Variants in MTMR7 observed in about 807,000 individuals in gnomAD.
The protein encoded by MTMR7 is myotubularin related protein 7.
Under a neutral mutation model 81.2 loss-of-function variants are expected in MTMR7, and 76 were observed. The ratio of observed to expected loss-of-function variants is 0.94; its 90% CI spans 0.78 to 1.13. The LOEUF (loss-of-function observed/expected upper bound fraction) is 1.13. MTMR7 is among the 50% of genes most tolerant of loss of function. The pLI, the probability that MTMR7 is intolerant of heterozygous loss-of-function variation, is 0.00. For synonymous variants in MTMR7, 372 were observed against 289.8 expected (o/e 1.28, Z -2.88); for missense variants, 1,044 against 820.0 (o/e 1.27, Z -3.34).
intron 7 of MTMR7, among the ~76,000 whole-genome samples, chr8:17,322,778 T>C (rs377223623): frequency 6.6e-6 from 1 of 152,162 alleles, no homozygotes; most frequent in Non-Finnish European, 1.5e-5. Context: ...TGAGCTACAG[T>C]TGCATCACTG....
intron 4 of MTMR7, among the ~76,000 whole-genome samples, chr8:17,357,493 T>A (rs1407165739): frequency 6.6e-6 from 1 of 152,182 alleles, no homozygotes; most frequent in Non-Finnish European, 1.5e-5. Flanking sequence ...AAGTCCTTGC[T>A]CAACAATGCC....
intron 10 of MTMR7, among the ~76,000 whole-genome samples, chr8:17,307,222 A>G (rs1308810689): frequency 6.6e-6 from 1 of 152,202 alleles, no homozygotes; most frequent in African/African-American, 2.4e-5. Flanking sequence ...AAAAGTGGGC[A>G]AAGGATATGA....
In MTMR7 at chr8:17,349,218, A is replaced by C. The variant is rs1586230686; in HGVS notation, c.469-137T>G. 7.5e-6 allele frequency: 8 copies of C among 1,063,296 alleles called. No individual in the cohort carries two copies. In the East Asian group the frequency reaches 2.0e-4, roughly 26 times the overall value. 65.9% of individuals were successfully genotyped at this position (1,063,296 alleles called of 1,614,324 possible). On this transcript the variant is annotated intron_variant, in intron 4 of 13. Coordinates refer to ENST00000180173, the MANE Select transcript of MTMR7 (RefSeq NM_004686.5). ...CCATGTTACAGAGGAGGCTATTTCG[A>C]GGAAACTCAAAGCCACTTCAGAGGA...
At chr8:17,372,569 C>G (rs1438219764) in intron 2 of MTMR7, among the ~76,000 whole-genome samples, 2 of 151,960 alleles carry the variant, frequency 1.3e-5, no homozygotes, top group Admixed American at 1.3e-4. Flanking sequence ...GCCTGGGCAA[C>G]AGAGTAAGAC....
intron 1 of MTMR7, 79 bp downstream of exon 1, chr8:17,413,190 C>T: frequency 1.3e-6 from 2 of 1,486,680 alleles, no homozygotes; most frequent in Non-Finnish European, 1.8e-6. Flanking sequence ...AAGCAGTCGG[C>T]CTCCCGCGCG....
chr8:17,347,084 C>T (rs1237557525), intron 5 of MTMR7, among the ~76,000 whole-genome samples: 1 of 151,204 alleles, frequency 6.6e-6, no homozygotes, highest in Non-Finnish European at 1.5e-5. Flanking sequence ...GTCCCAGTGA[C>T]TCGGGAGGCT....
chr8:17,388,005 C>G (rs373898497), intron 1 of MTMR7, among the ~76,000 whole-genome samples: 7 of 152,164 alleles, frequency 4.6e-5, no homozygotes, highest in African/African-American at 1.7e-4. Context: ...AATAGTGACA[C>G]AGCCAAGCTA....
intron 1 of MTMR7, among the ~76,000 whole-genome samples, chr8:17,389,499 T>C (rs1285675237): frequency 6.6e-6 from 1 of 152,238 alleles, no homozygotes; most frequent in Non-Finnish European, 1.5e-5. Flanking sequence ...CAACCCTCGG[T>C]GGCAGGATCC....
At chr8:17,409,886 C>G (rs1207765750) in intron 1 of MTMR7, among the ~76,000 whole-genome samples, 2 of 152,122 alleles carry the variant, frequency 1.3e-5, no homozygotes, top group East Asian at 3.9e-4. Context: ...AAGAACTGGT[C>G]CCACTGGAGA....
intron 1 of MTMR7, among the ~76,000 whole-genome samples, chr8:17,397,288 G>A (rs1821290236): frequency 6.6e-6 from 1 of 152,122 alleles, no homozygotes; most frequent in Non-Finnish European, 1.5e-5. Flanking sequence ...CTGATTCCAG[G>A]CCAAGGCTCT....
At chr8:17,324,665 T>A (rs913644797) in intron 7 of MTMR7, among the ~76,000 whole-genome samples, 5 of 152,258 alleles carry the variant, frequency 3.3e-5, no homozygotes, top group Admixed American at 2.6e-4. Context: ...CCTAACAGGC[T>A]GCTGGTCTAG....
chr8:17,367,121 A>C (rs1007264820), intron 3 of MTMR7, among the ~76,000 whole-genome samples: 7 of 152,190 alleles, frequency 4.6e-5, no homozygotes, highest in African/African-American at 4.8e-5. Context: ...CTTAAACATC[A>C]ATGACTTATA....
chr8:17,314,593 A>G (rs17124380), intron 7 of MTMR7, among the ~76,000 whole-genome samples: 5,221 of 152,272 alleles, frequency 0.034, 321 homozygotes, highest in African/African-American at 0.12. Context: ...ATTCACTGTG[A>G]TTTCCTGCAG....
chr8:17,328,699 C>A (rs888577814), intron 7 of MTMR7, among the ~76,000 whole-genome samples: 5 of 152,024 alleles, frequency 3.3e-5, no homozygotes, highest in Admixed American at 1.3e-4. Context: ...CCTGCACATA[C>A]CCCAGAACTT....
intron 2 of MTMR7, 43 bp downstream of exon 2, chr8:17,373,075 A>T (rs1563364753): frequency 6.2e-7 from 1 of 1,605,692 alleles, no homozygotes; most frequent in Admixed American, 1.7e-5. Flanking sequence ...TTTTTGCTTC[A>T]AACAACGCAA....
chr8:17,413,164 C>A (rs1395667680), intron 1 of MTMR7, 105 bp downstream of exon 1: 64 of 1,345,586 alleles, frequency 4.8e-5, no homozygotes, highest in Middle Eastern at 3.6e-4. Flanking sequence ...GGTCCAGGCT[C>A]CGCCGGTGCC....
rs542597045 is a variant in MTMR7 at position 17,349,804 on chromosome 8, C to A, written c.469-723G>T. 1.6e-4 allele frequency among the ~76,000 whole-genome samples: 25 copies of A among 152,212 alleles called. No individual in the cohort carries two copies. The South Asian group carries it at 5.2e-3, about 32-fold the overall frequency. ...TTCTACGCATTCCTGAGAGTGACTA[C>A]CACAGTGGAAGGGTGCCTTGGAAGG... On this transcript the variant is annotated intron_variant, in intron 4 of 13. Coordinates refer to ENST00000180173, the MANE Select transcript of MTMR7 (RefSeq NM_004686.5).
chr8:17,342,083 C>A (rs1190797255), intron 5 of MTMR7, among the ~76,000 whole-genome samples: 2 of 152,130 alleles, frequency 1.3e-5, no homozygotes, highest in East Asian at 1.9e-4. Flanking sequence ...CTACTTAGAA[C>A]AAGGGGGATT....
intron 5 of MTMR7, among the ~76,000 whole-genome samples, chr8:17,342,016 G>A (rs1323831345): frequency 6.6e-6 from 1 of 151,778 alleles, no homozygotes; most frequent in African/African-American, 2.4e-5. Flanking sequence ...AAGAGCCCAG[G>A]TTGCTGCTAG....
Sources: allele counts gnomAD v4.1 joint callset (sites outside exome capture counted in the v4.1 genomes callset), GRCh38; gene constraint gnomAD v4.1.1; transcripts MANE v1.5; gene names NCBI Gene and HGNC (gene_info 2026-07-23, HGNC 2026-07-21).